Variants in MTA1 observed in about 807,000 individuals in gnomAD.
The protein encoded by MTA1 is metastasis-associated protein MTA1.
In MTA1, 15 loss-of-function variants were observed where a neutral mutation model predicts 97.0. That is an observed-to-expected ratio of 0.15 (90% CI 0.10 to 0.24). The LOEUF is 0.24. Among genes scored for constraint, MTA1 ranks in the 10% least tolerant of loss-of-function variants. The pLI, the probability that MTA1 is intolerant of heterozygous loss-of-function variation, is 1.00. For missense variants in MTA1, 709 were observed against 1,015.1 expected, an observed-to-expected ratio of 0.70 and a Z score of 4.10; for synonymous variants, 435 against 417.5, an observed-to-expected ratio of 1.04 and a Z score of -0.51.
chr14:105,466,544 C>A lies in MTA1; in HGVS notation c.1743C>A (p.Gly581=). The A allele has an allele frequency of 1.3e-6, 2 of 1,585,658 alleles. No homozygotes were observed. The highest frequency in any genetic ancestry group is 2.3e-5 in the East Asian group (1 of 43,352). Residue 581 remains glycine, a synonymous_variant, in exon 17 of 21, where the codon GGC becomes GGA. Coordinates refer to ENST00000331320, the MANE Select transcript of MTA1 (RefSeq NM_004689.4). ...VINNGSPTIL[G]KRSYEQHNGV... is the part of the protein sequence containing the mutation. ...ACAACGGCTCCCCCACCATCCTGGG[C>A]AAGCGCAGCTACGAGCAGCACAACG...
At position 105,422,106 on chromosome 14, in the gene MTA1, C is replaced by T. The variant is rs587614631; in HGVS notation, c.28+2043C>T. On this transcript the variant is annotated intron_variant, in intron 1 of 20. Transcript: ENST00000331320. The surrounding 1 kb of genome is among the most constrained non-coding windows in gnomAD (Gnocchi z 4.3). ...CGTGGTCACTGTGGCCGGGTGTGCT[C>T]GGAGCTGTCAGGCCCCCCACGTGCC... 1.1e-4 allele frequency among the ~76,000 whole-genome samples: 17 copies of T among 152,332 alleles called. No homozygotes were observed. Among genetic ancestry groups the T allele is most frequent in the African/African-American group, 3.4e-4 (14 of 41,586 alleles).
At chr14:105,470,015 G>C in intron 20 of MTA1, 23 bp downstream of exon 20, 1 of 1,612,456 alleles carries the variant, frequency 6.2e-7, no homozygotes, top group African/African-American at 1.3e-5. Context: ...CAGGGCAGGC[G>C]GGAGGGCTCC....
At chr14:105,469,712 C>T in intron 19 of MTA1, 129 bp from the exon 20 acceptor site, 3 of 1,378,700 alleles carry the variant, frequency 2.2e-6, no homozygotes, top group Non-Finnish European at 3.0e-6. Flanking sequence ...CTGGGCCAGG[C>T]TGGGGGTCCG....
At chr14:105,458,597 C>T (rs2083242807) in intron 8 of MTA1, among the ~76,000 whole-genome samples, 1 of 152,132 alleles carries the variant, frequency 6.6e-6, no homozygotes, top group South Asian at 2.1e-4. Context: ...GGGGGGCAGG[C>T]CTGTGTGCCT....
intron 6 of MTA1, 93 bp from the exon 7 acceptor site, chr14:105,454,100 C>A (rs2083051310): frequency 2.2e-6 from 2 of 927,336 alleles, no homozygotes; most frequent in Non-Finnish European, 1.7e-6. Context: ...CTGGGCAAGA[C>A]CCTCCCAGCA....
At chr14:105,469,169 G>A in intron 18 of MTA1, 1 of 618,784 alleles carries the variant, frequency 1.6e-6, no homozygotes, top group African/African-American at 1.8e-5. Context: ...AGGCAAGTGG[G>A]TGGACAGCCC....
chr14:105,467,650 T>A (rs1049605874), intron 18 of MTA1: 9 of 369,714 alleles, frequency 2.4e-5, no homozygotes, highest in Non-Finnish European at 4.4e-5. Flanking sequence ...TGTCTGTGTC[T>A]CGGCCCCAGC....
At position 105,451,618 on chromosome 14, in the gene MTA1, A is replaced by G. The variant is rs146418332; in HGVS notation, c.432+1294A>G. ...CACAGAAAATGTTTGTTAGCAAAAA[A>G]GGCCCGTGAGGAAGCAGCAGGTGCA... On this transcript the variant is annotated intron_variant, in intron 6 of 20. Transcript: ENST00000331320. Among the ~76,000 whole-genome samples, 301 of 152,272 alleles carry G rather than the reference A, an allele frequency of 2.0e-3. 2 individuals are homozygous for G. Among genetic ancestry groups the G allele is most frequent in the African/African-American group, 6.8e-3 (283 of 41,534 alleles).
chr14:105,442,122 G>T (rs1220244511), intron 2 of MTA1, among the ~76,000 whole-genome samples: 2 of 152,298 alleles, frequency 1.3e-5, no homozygotes, highest in South Asian at 4.1e-4. Context: ...ATAAAGAGGG[G>T]CCCCTTCAAG....
At chr14:105,460,216 G>T (rs587762344) in intron 8 of MTA1, 142 bp from the exon 9 acceptor site, 1 of 668,892 alleles carries the variant, frequency 1.5e-6, no homozygotes, top group African/African-American at 1.9e-5. Flanking sequence ...CATGGCCCCT[G>T]GTCCCTGGCA....
intron 1 of MTA1, among the ~76,000 whole-genome samples, chr14:105,436,140 G>A (rs2082317830): frequency 6.6e-6 from 1 of 152,096 alleles, no homozygotes; most frequent in African/African-American, 2.4e-5. Context: ...GTGGTGGTAG[G>A]CTCCTGTAAT....
chr14:105,463,575 G>A lies in MTA1; in HGVS notation c.1076+24G>A, dbSNP rs782231277. 1.6e-5 allele frequency: 26 copies of A among 1,611,700 alleles called. No individual in the cohort carries two copies. Among genetic ancestry groups the A allele is most frequent in the Admixed American group, 3.3e-5 (2 of 59,988 alleles). On this transcript the variant is annotated intron_variant, in intron 12 of 20. Coordinates refer to ENST00000331320, the MANE Select transcript of MTA1 (RefSeq NM_004689.4). The surrounding 1 kb of genome is among the most constrained non-coding windows in gnomAD (Gnocchi z 5.9). ...TAGTAAGTGTGCCCTCACAGCCGTC[G>A]TCCTCGTGGCCCCGGGGGCCAGGGA... is the stretch of plus-strand genomic sequence containing the variant.
chr14:105,455,764 G>A (rs1235996195), intron 7 of MTA1, among the ~76,000 whole-genome samples: 1 of 152,236 alleles, frequency 6.6e-6, no homozygotes, highest in African/African-American at 2.4e-5. Context: ...TCGTGGGCCT[G>A]CTACATTGCA....
rs782406829 is a variant in MTA1, at chr14:105,449,390, G to T, written c.222G>T (p.Gly74=). 89 of 1,612,070 alleles carry T rather than the reference G, an allele frequency of 5.5e-5. No homozygotes were observed. Among genetic ancestry groups the T allele is most frequent in the Non-Finnish European group, 7.3e-5 (86 of 1,179,302 alleles). The change falls in exon 4 of 21, where the codon GGG becomes GGT. Residue 74 remains glycine (G), a synonymous_variant. Transcript: ENST00000331320. ...TLSVCYKAGP[G]ADNGEEGEIE... ...CAGTCTGCTATAAGGCCGGACCGGG[G>T]GCGGACAACGGCGAGGAAGGTAAGA...
At chr14:105,453,791 A>C (rs2083036510) in intron 6 of MTA1, among the ~76,000 whole-genome samples, 1 of 152,240 alleles carries the variant, frequency 6.6e-6, no homozygotes, top group Non-Finnish European at 1.5e-5. Flanking sequence ...AACCTGGGCG[A>C]CAAGAGCGAA....
chr14:105,464,060 G>A lies in MTA1; in HGVS notation c.1105G>A (p.Val369Ile), dbSNP rs375096134. The A allele has an allele frequency of 5.0e-5, 81 of 1,612,494 alleles. No homozygotes were observed. The highest frequency in any genetic ancestry group is 6.7e-5 in the East Asian group (3 of 44,872). ...CAAGCCAAATCCGAACCAAATCAGC[G>A]TCAACAACGTCAAGGCCGGTGTGGT... ...YNKPNPNQIS[V>I]NNVKAGVVNG... Residue 369 changes from valine to isoleucine, a missense_variant, in exon 13 of 21, where the codon GTC (valine) becomes ATC (isoleucine). Coordinates refer to ENST00000331320, the MANE Select transcript of MTA1 (RefSeq NM_004689.4).
chr14:105,449,422 C>T lies in MTA1; in HGVS notation c.241+13C>T. On this transcript the variant is annotated intron_variant, in intron 4 of 20. Coordinates refer to ENST00000331320, the MANE Select transcript of MTA1 (RefSeq NM_004689.4). ...AACGGCGAGGAAGGTAAGAGCCGGCCTCCGCAAGGAGGGCGTCCTCCTGTC... is the reference window on the plus strand; with the variant it reads ...AACGGCGAGGAAGGTAAGAGCCGGCTTCCGCAAGGAGGGCGTCCTCCTGTC... The T allele has an allele frequency of 6.2e-7, 1 of 1,610,396 alleles. No individual in the cohort carries two copies.
intron 1 of MTA1, among the ~76,000 whole-genome samples, chr14:105,421,877 C>T (rs1283099799): frequency 6.6e-6 from 1 of 152,236 alleles, no homozygotes; most frequent in East Asian, 1.9e-4. Context: ...CCCGCAGGCC[C>T]GTCCCAGGGC....
chr14:105,458,215 C>T (rs943803008), intron 7 of MTA1, 55 bp from the exon 8 acceptor site: 154 of 1,504,872 alleles, frequency 1.0e-4, no homozygotes, highest in Non-Finnish European at 1.3e-4. Flanking sequence ...AGGAGAGGCG[C>T]GGCCCGGCGC....
Sources: allele counts gnomAD v4.1 joint callset (sites outside exome capture counted in the v4.1 genomes callset), GRCh38; gene constraint gnomAD v4.1.1; non-coding constraint Gnocchi (gnomAD v3.1); transcripts MANE v1.5; gene names NCBI Gene and HGNC (gene_info 2026-07-23, HGNC 2026-07-21).